The following NOL4 variants were observed in gnomAD, a reference collection of about 807,000 sequenced individuals.
The protein encoded by NOL4 is cancer/testis antigen 125.
Under a neutral mutation model 75.9 loss-of-function variants are expected in NOL4, and 17 were observed. The ratio of observed to expected loss-of-function variants is 0.22; its 90% CI spans 0.15 to 0.34. The LOEUF is 0.34. Ranked by LOEUF, NOL4 falls within the 10% of genes least tolerant of loss-of-function variation. NOL4 has a pLI of 1.00. For synonymous variants in NOL4, 292 were observed against 289.9 expected (o/e 1.01, Z -0.07); for missense variants, 614 against 793.5 (o/e 0.77, Z 2.72).
chr18:33,950,152 T>G (rs1259900972), intron 8 of NOL4, among the ~76,000 whole-genome samples: 1 of 151,948 alleles, frequency 6.6e-6, no homozygotes, highest in Non-Finnish European at 1.5e-5. Flanking sequence ...CTATTCCCAC[T>G]AATTGTTAAA....
intron 5 of NOL4, among the ~76,000 whole-genome samples, chr18:34,069,798 C>G (rs1433715932): frequency 6.6e-6 from 1 of 152,154 alleles, no homozygotes; most frequent in Non-Finnish European, 1.5e-5. Context: ...CTCTAGCAAC[C>G]ATTTCACAAA....
Position 34,113,634 on chromosome 18 carries a change from C to A in NOL4, c.415-8474G>T, listed in dbSNP as rs185215780. Reference sequence around the variant, plus strand: ...CCTGGGTAGCAGGGTGAGACAGTGCCTCTTAAAAAAAAAAAATTAAAACAG... The same window carrying A: ...CCTGGGTAGCAGGGTGAGACAGTGCATCTTAAAAAAAAAAAATTAAAACAG... On this transcript the variant is annotated intron_variant, in intron 2 of 10. Coordinates refer to ENST00000261592, the MANE Select transcript of NOL4 (RefSeq NM_003787.5). Among the ~76,000 whole-genome samples the A allele has an allele frequency of 3.9e-3, 539 of 139,016 alleles. 2 individuals carry two copies. The highest frequency in any genetic ancestry group is 0.013 in the African/African-American group (509 of 38,542). The allele number at this position is 139,016 out of a possible 152,430, so 91.2% of individuals were successfully genotyped here. A position where few individuals can be genotyped will look rare whatever the true frequency, so the allele number is the denominator to read the frequency against.
chr18:34,136,333 C>A (rs2080890856), intron 1 of NOL4, among the ~76,000 whole-genome samples: 1 of 152,066 alleles, frequency 6.6e-6, no homozygotes, highest in African/African-American at 2.4e-5. Context: ...ACTGGTGAAT[C>A]TAGCCAGGAA....
intron 9 of NOL4, among the ~76,000 whole-genome samples, chr18:33,908,339 C>T (rs2066188088): frequency 6.6e-6 from 1 of 152,174 alleles, no homozygotes; most frequent in Non-Finnish European, 1.5e-5. Flanking sequence ...GATTTCAACA[C>T]TGACATTAGG....
intron 5 of NOL4, among the ~76,000 whole-genome samples, chr18:34,059,193 T>C (rs1215065126): frequency 6.8e-6 from 1 of 146,918 alleles, no homozygotes; most frequent in African/African-American, 2.5e-5. Context: ...ATACTTGACA[T>C]AATTTAGTCC....
chr18:34,162,947 A>G (rs1432182648), intron 1 of NOL4, among the ~76,000 whole-genome samples: 5 of 152,336 alleles, frequency 3.3e-5, no homozygotes, highest in South Asian at 2.1e-4. Flanking sequence ...TACGCAAATC[A>G]ATAAATGTAA....
At chr18:34,123,689 G>T (rs1163739755) in intron 2 of NOL4, among the ~76,000 whole-genome samples, 2 of 147,380 alleles carry the variant, frequency 1.4e-5, no homozygotes, top group Non-Finnish European at 3.0e-5. Context: ...ATATCTAATA[G>T]ATATATATGT....
intron 9 of NOL4, among the ~76,000 whole-genome samples, chr18:33,906,828 C>T (rs1227953508): frequency 6.6e-6 from 1 of 152,068 alleles, no homozygotes; most frequent in Admixed American, 6.6e-5. Context: ...CTTAGTGTTC[C>T]AAATGAACAG....
At chr18:33,932,894 T>C (rs1186872643) in intron 9 of NOL4, among the ~76,000 whole-genome samples, 1 of 152,120 alleles carries the variant, frequency 6.6e-6, no homozygotes, top group Non-Finnish European at 1.5e-5. Context: ...CATTCATATA[T>C]GTTTCTGCTG....
At chr18:34,212,505 C>A (rs2036583119) in intron 1 of NOL4, among the ~76,000 whole-genome samples, 1 of 152,154 alleles carries the variant, frequency 6.6e-6, no homozygotes, top group South Asian at 2.1e-4. Flanking sequence ...TATGGTGTAA[C>A]AAATTACCAC....
chr18:34,076,559 C>T (rs1156883447), intron 5 of NOL4, among the ~76,000 whole-genome samples: 1 of 152,136 alleles, frequency 6.6e-6, no homozygotes, highest in East Asian at 1.9e-4. Context: ...CAAAGTACTG[C>T]AGTTGCAGGA....
intron 1 of NOL4, among the ~76,000 whole-genome samples, chr18:34,175,507 G>A (rs186824986): frequency 6.6e-6 from 1 of 152,222 alleles, no homozygotes; most frequent in East Asian, 1.9e-4. Flanking sequence ...GACCACACAT[G>A]TACAGATATA....
In NOL4 at chr18:34,215,885, G is replaced by C. The variant is rs373507754; in HGVS notation, c.264+7105C>G. ...AAGATAGTCTATTAAGCCATAAATAGACTAGTGCCTGCATAGATTTTAAGC... is the reference window on the plus strand; with the variant it reads ...AAGATAGTCTATTAAGCCATAAATACACTAGTGCCTGCATAGATTTTAAGC... On this transcript the variant is annotated intron_variant, in intron 1 of 10. Coordinates refer to ENST00000261592, the MANE Select transcript of NOL4 (RefSeq NM_003787.5). Among the ~76,000 whole-genome samples the C allele has an allele frequency of 2.2e-4, 33 of 152,210 alleles. No individual in the cohort carries two copies. The East Asian group carries it at 6.0e-3, about 28-fold the overall frequency.
intron 4 of NOL4, among the ~76,000 whole-genome samples, chr18:34,102,959 T>C (rs1669999634): frequency 6.6e-6 from 1 of 152,036 alleles, no homozygotes; most frequent in African/African-American, 2.4e-5. Context: ...ATATGAATTT[T>C]TGTATGGAGT....
At chr18:33,918,741 C>T (rs1397058269) in intron 9 of NOL4, among the ~76,000 whole-genome samples, 1 of 151,988 alleles carries the variant, frequency 6.6e-6, no homozygotes, top group African/African-American at 2.4e-5. Context: ...AAGACACTTG[C>T]CAAAAACTAG....
intron 1 of NOL4, 63 bp from the exon 2 acceptor site, chr18:34,130,083 A>G (rs1397026931): frequency 7.2e-7 from 1 of 1,387,376 alleles, no homozygotes; most frequent in Non-Finnish European, 9.5e-7. Context: ...CATTTAATAC[A>G]CAAATTGTTT....
At chr18:34,177,396 A>C (rs2033647083) in intron 1 of NOL4, among the ~76,000 whole-genome samples, 1 of 151,952 alleles carries the variant, frequency 6.6e-6, no homozygotes, top group Non-Finnish European at 1.5e-5. Flanking sequence ...AAATGTATCA[A>C]GTTGTACATA....
intron 5 of NOL4, among the ~76,000 whole-genome samples, chr18:34,028,565 C>T (rs1186561763): frequency 2.0e-5 from 3 of 152,190 alleles, no homozygotes; most frequent in African/African-American, 7.2e-5. Flanking sequence ...CAAGTCAAAC[C>T]CACAGCCAAT....
intron 8 of NOL4, among the ~76,000 whole-genome samples, chr18:33,955,877 T>C (rs2069605943): frequency 6.6e-6 from 1 of 152,140 alleles, no homozygotes; most frequent in East Asian, 1.9e-4. Flanking sequence ...GATTATTAAA[T>C]TTAAATATCT....
Sources: gnomAD v4.1 joint callset for allele counts (sites outside exome capture counted in the v4.1 genomes callset) on GRCh38, gnomAD v4.1.1 for gene constraint, MANE v1.5 for transcripts, NCBI Gene and HGNC (gene_info 2026-07-23, HGNC 2026-07-21) for gene names.